The following SH3RF1 variants were observed in gnomAD, a reference collection of about 807,000 sequenced individuals.
SH3RF1 encodes the protein SH3 domain containing ring finger 1.
A neutral mutation model predicts 74.0 loss-of-function variants in SH3RF1; 32 were observed. The ratio of observed to expected loss-of-function variants is 0.43; its 90% CI spans 0.33 to 0.58. The LOEUF (loss-of-function observed/expected upper bound fraction) is 0.58. Ranked by LOEUF, SH3RF1 falls within the 20% of genes least tolerant of loss-of-function variation. The pLI, the probability that SH3RF1 is intolerant of heterozygous loss-of-function variation, is 0.05. For synonymous variants in SH3RF1, 396 were observed against 439.6 expected (o/e 0.90, Z 1.24); for missense variants, 954 against 1,130.9 (o/e 0.84, Z 2.24).
In SH3RF1 at chr4:169,268,950, C is replaced by A. The variant is rs1313467342; in HGVS notation, c.263G>T (p.Gly88Val). ...TGCATTTGTGCAGTTGGTCCCACTT[C>A]CCCCACCAGGACCAGGTTTCCAAGG... Reference protein sequence around the residue: ...QRPWKPGPGGGSGTNCTNALR... With the variant: ...QRPWKPGPGGVSGTNCTNALR... Residue 88 changes from glycine (G) to valine (V), a missense_variant, in exon 2 of 12, where the codon GGA becomes GTA. This residue lies in a region of SH3RF1 where 854 missense variants were observed against 962.5 expected (regional missense o/e 0.89). Coordinates refer to ENST00000284637, the MANE Select transcript of SH3RF1 (RefSeq NM_020870.4). The A allele has an allele frequency of 6.8e-6, 11 of 1,614,172 alleles. No individual in the cohort carries two copies. The highest frequency in any genetic ancestry group is 3.3e-5 in the South Asian group (3 of 91,076).
At chr4:169,173,371 T>C (rs1734364106) in intron 2 of SH3RF1, among the ~76,000 whole-genome samples, 1 of 152,110 alleles carries the variant, frequency 6.6e-6, no homozygotes, top group African/African-American at 2.4e-5. Flanking sequence ...CCGTGCCCCC[T>C]TGTTATTCAG....
chr4:169,139,909 A>G (rs749233629), intron 4 of SH3RF1, among the ~76,000 whole-genome samples: 1 of 152,246 alleles, frequency 6.6e-6, no homozygotes, highest in Non-Finnish European at 1.5e-5. Flanking sequence ...TTAGCTCTCC[A>G]CATGTATAAT....
intron 2 of SH3RF1, among the ~76,000 whole-genome samples, chr4:169,191,964 C>T (rs1480251921): frequency 6.6e-6 from 1 of 151,990 alleles, no homozygotes; most frequent in African/African-American, 2.4e-5. Context: ...GAAAAAAAAC[C>T]CTTCTAGACA....
intron 5 of SH3RF1, among the ~76,000 whole-genome samples, chr4:169,133,225 A>T (rs1347061648): frequency 6.6e-6 from 1 of 152,198 alleles, no homozygotes; most frequent in Non-Finnish European, 1.5e-5. Context: ...TTTCATTGGG[A>T]TGAGATAAAA....
At chr4:169,223,637 C>A (rs1049931857) in intron 2 of SH3RF1, among the ~76,000 whole-genome samples, 3 of 152,186 alleles carry the variant, frequency 2.0e-5, no homozygotes, top group African/African-American at 7.2e-5. Context: ...AAATTATGTC[C>A]TTCTTTCCAT....
rs1437039708 is a variant in SH3RF1, at chr4:169,165,639, G to GC, written c.394-8961_394-8960insG. On this transcript the variant is annotated intron_variant, in intron 2 of 11. Coordinates refer to ENST00000284637, the MANE Select transcript of SH3RF1 (RefSeq NM_020870.4). Reference sequence around the variant, plus strand: ...ACTCTGTCTCAGAGAAAAAAAGGCGGGGGGGGGAGTCAGGTAAGGCCTCAG... The same window carrying GC: ...ACTCTGTCTCAGAGAAAAAAAGGCGGCGGGGGGGAGTCAGGTAAGGCCTCAG... Among the ~76,000 whole-genome samples, 4 of 125,788 alleles carry GC rather than the reference G, an allele frequency of 3.2e-5. No homozygotes were observed. The East Asian group carries it at 6.4e-4, about 20-fold the overall frequency. The allele number at this position is 125,788 out of a possible 152,430, so 82.5% of individuals were successfully genotyped here. A position where few individuals can be genotyped will look rare whatever the true frequency, so the allele number is the denominator to read the frequency against.
chr4:169,130,861 T>C (rs988395973), intron 5 of SH3RF1, among the ~76,000 whole-genome samples: 2 of 152,236 alleles, frequency 1.3e-5, no homozygotes, highest in Non-Finnish European at 2.9e-5. Context: ...TCAGGTTGCA[T>C]AGCAGGTCCA....
intron 2 of SH3RF1, among the ~76,000 whole-genome samples, chr4:169,164,197 G>C (rs2126969240): frequency 6.6e-6 from 1 of 152,210 alleles, no homozygotes; most frequent in African/African-American, 2.4e-5. Context: ...TGGAGACCTG[G>C]GACTATGTGT....
intron 10 of SH3RF1, 121 bp from the exon 11 acceptor site, chr4:169,107,326 T>C: frequency 2.4e-6 from 2 of 826,474 alleles, no homozygotes; most frequent in Non-Finnish European, 1.8e-6. Flanking sequence ...TGTGGGTCCA[T>C]AGTAGGTATA....
chr4:169,249,256 C>A (rs1731059330), intron 2 of SH3RF1, among the ~76,000 whole-genome samples: 1 of 152,098 alleles, frequency 6.6e-6, no homozygotes, highest in Non-Finnish European at 1.5e-5. Flanking sequence ...AAAAAAGAGG[C>A]AATTAGGCCA....
intron 4 of SH3RF1, among the ~76,000 whole-genome samples, chr4:169,147,925 T>G (rs1733919432): frequency 6.6e-6 from 1 of 152,092 alleles, no homozygotes; most frequent in African/African-American, 2.4e-5. Context: ...AAAAATTTAG[T>G]GTGTATATAG....
intron 2 of SH3RF1, among the ~76,000 whole-genome samples, chr4:169,174,672 C>G (rs910923101): frequency 2.0e-5 from 3 of 152,162 alleles, no homozygotes; most frequent in African/African-American, 7.2e-5. Flanking sequence ...ACCATTTACA[C>G]AAGCCATTCT....
At chr4:169,101,238 G>C (rs1469033668) in intron 11 of SH3RF1, among the ~76,000 whole-genome samples, 3 of 152,176 alleles carry the variant, frequency 2.0e-5, no homozygotes, top group Admixed American at 6.5e-5. Context: ...AAAAAGCCTA[G>C]TTGTATAGAA....
intron 2 of SH3RF1, among the ~76,000 whole-genome samples, chr4:169,257,861 C>T (rs978135968): frequency 6.6e-6 from 1 of 152,158 alleles, no homozygotes; most frequent in East Asian, 1.9e-4. Flanking sequence ...TGCTTTTCTG[C>T]TCTACCTCAC....
At chr4:169,218,797 T>C (rs1043382688) in intron 2 of SH3RF1, among the ~76,000 whole-genome samples, 2 of 152,090 alleles carry the variant, frequency 1.3e-5, no homozygotes, top group Non-Finnish European at 2.9e-5. Context: ...AATACATGAA[T>C]TAACTGATTC....
chr4:169,115,279 C>T (rs1733311830), intron 10 of SH3RF1, among the ~76,000 whole-genome samples: 1 of 152,212 alleles, frequency 6.6e-6, no homozygotes, highest in Non-Finnish European at 1.5e-5. Context: ...CAGTACTAGC[C>T]TGTGGCCTGT....
intron 2 of SH3RF1, among the ~76,000 whole-genome samples, chr4:169,185,901 T>TTCAAATGG (rs1343311867): frequency 6.6e-6 from 1 of 152,054 alleles, no homozygotes; most frequent in Admixed American, 6.6e-5. Context: ...GGAGGCAGGA[T>TTCAAATGG]TCCAAGACTA....
chr4:169,170,766 T>C (rs1734314730), intron 2 of SH3RF1, among the ~76,000 whole-genome samples: 1 of 152,212 alleles, frequency 6.6e-6, no homozygotes, highest in Non-Finnish European at 1.5e-5. Flanking sequence ...ACCTGTCTGA[T>C]CTAATCTGTC....
chr4:169,154,146 T>C (rs1056048453), intron 4 of SH3RF1, among the ~76,000 whole-genome samples: 1 of 152,190 alleles, frequency 6.6e-6, no homozygotes, highest in Non-Finnish European at 1.5e-5. Context: ...TTAGAATATA[T>C]ACATAATGTA....
Sources: gnomAD v4.1 joint callset for allele counts (sites outside exome capture counted in the v4.1 genomes callset) on GRCh38, gnomAD v4.1.1 for gene constraint, gnomAD v4.1.1 regional missense constraint, MANE v1.5 for transcripts, NCBI Gene and HGNC (gene_info 2026-07-23, HGNC 2026-07-21) for gene names.